ATRNL1: variants seen among roughly 807,000 people sequenced by gnomAD.
The protein encoded by ATRNL1 is attractin-like protein 1.
A neutral mutation model predicts 182.7 loss-of-function variants in ATRNL1; 95 were observed. The observed-to-expected ratio is 0.52, with a 90% CI of 0.44 to 0.62. The LOEUF is 0.62. Among genes scored for constraint, ATRNL1 ranks in the 20% least tolerant of loss-of-function variants. The pLI is 0.00. For missense variants in ATRNL1, 1,471 were observed against 1,679.5 expected (o/e 0.88, Z 2.17); for synonymous variants, 576 against 568.3 (o/e 1.01, Z -0.19).
At chr10:115,426,695 G>T (rs1383697255) in intron 21 of ATRNL1, among the ~76,000 whole-genome samples, 2 of 152,078 alleles carry the variant, frequency 1.3e-5, no homozygotes, top group African/African-American at 4.8e-5. Flanking sequence ...CTTTCATTGG[G>T]TACTGATTAT....
intron 19 of ATRNL1, among the ~76,000 whole-genome samples, chr10:115,392,159 A>C (rs1844060824): frequency 6.6e-6 from 1 of 152,112 alleles, no homozygotes; most frequent in African/African-American, 2.4e-5. Context: ...TACAAGCAGA[A>C]AATGTACATG....
intron 26 of ATRNL1, among the ~76,000 whole-genome samples, chr10:115,697,040 G>A (rs1005341044): frequency 1.3e-5 from 2 of 152,040 alleles, no homozygotes; most frequent in Non-Finnish European, 2.9e-5. Context: ...TTGACATGTG[G>A]GGATTACAAT....
At position 115,473,623 on chromosome 10, in the gene ATRNL1, T is replaced by C. The variant is rs1848405417; in HGVS notation, c.3654+4294T>C. 2.0e-5 allele frequency among the ~76,000 whole-genome samples: 3 copies of C among 151,340 alleles called. No individual in the cohort carries two copies. In the South Asian group the frequency reaches 6.2e-4, roughly 31 times the overall value. On this transcript the variant is annotated intron_variant, in intron 24 of 28. Transcript: ENST00000355044. ...TCGGAAGTGTTCACTCTACTTCATCTTTTTGGAAGAGTTTGAGATGGCTTG... is the reference window on the plus strand; with the variant it reads ...TCGGAAGTGTTCACTCTACTTCATCCTTTTGGAAGAGTTTGAGATGGCTTG...
chr10:115,871,761 A>C (rs960967729), intron 28 of ATRNL1, among the ~76,000 whole-genome samples: 4 of 152,154 alleles, frequency 2.6e-5, no homozygotes, highest in African/African-American at 2.4e-5. Context: ...CAACTAAATA[A>C]TAATAAACAC....
chr10:115,208,959 A>G (rs1848909814), intron 8 of ATRNL1, among the ~76,000 whole-genome samples: 2 of 151,888 alleles, frequency 1.3e-5, no homozygotes, highest in South Asian at 4.2e-4. Context: ...TTTACCTTAC[A>G]AGTAATCAGG....
intron 5 of ATRNL1, among the ~76,000 whole-genome samples, chr10:115,159,025 A>G (rs1442951061): frequency 6.6e-6 from 1 of 151,836 alleles, no homozygotes; most frequent in Non-Finnish European, 1.5e-5. Flanking sequence ...TATGTTGTCA[A>G]AATAATGTAG....
chr10:115,844,940 A>C (rs1950894530), intron 27 of ATRNL1, among the ~76,000 whole-genome samples: 1 of 152,258 alleles, frequency 6.6e-6, no homozygotes, highest in East Asian at 1.9e-4. Flanking sequence ...CCAGGGTATC[A>C]GAAACATTAT....
Position 115,496,416 on chromosome 10 carries a change from A to AT in ATRNL1, c.3655-22843dup, listed in dbSNP as rs573353015. Reference sequence around the variant, plus strand: ...TATTTGCTTGTGTGAAAAGTATCTTATTTTCCCTTCACTTATGAAGCTTAT... The same window carrying AT: ...TATTTGCTTGTGTGAAAAGTATCTTATTTTTCCCTTCACTTATGAAGCTTAT... On this transcript the variant is annotated intron_variant, in intron 24 of 28. Coordinates refer to ENST00000355044, the MANE Select transcript of ATRNL1 (RefSeq NM_207303.4). 4.1e-3 allele frequency among the ~76,000 whole-genome samples: 625 copies of AT among 152,188 alleles called. 2 individuals are homozygous for AT. The highest frequency in any genetic ancestry group is 0.013 in the African/African-American group (543 of 41,540).
At chr10:115,368,826 G>T (rs1487439466) in intron 19 of ATRNL1, among the ~76,000 whole-genome samples, 1 of 151,292 alleles carries the variant, frequency 6.6e-6, no homozygotes, top group Non-Finnish European at 1.5e-5. Flanking sequence ...TGATTCTCCT[G>T]CCTGAGCCTC....
intron 10 of ATRNL1, among the ~76,000 whole-genome samples, chr10:115,253,873 A>G (rs1297379693): frequency 6.6e-6 from 1 of 152,084 alleles, no homozygotes; most frequent in African/African-American, 2.4e-5. Flanking sequence ...CCTATGAGTG[A>G]GAACATATGG....
chr10:115,529,763 A>G (rs1206129957), intron 25 of ATRNL1, among the ~76,000 whole-genome samples: 2 of 152,134 alleles, frequency 1.3e-5, no homozygotes, highest in Admixed American at 1.3e-4. Context: ...ATTTGGTGAT[A>G]TAATTCACAT....
chr10:115,760,569 G>T (rs189432003), intron 27 of ATRNL1, among the ~76,000 whole-genome samples: 10 of 151,996 alleles, frequency 6.6e-5, no homozygotes, highest in Non-Finnish European at 1.5e-5. Context: ...AAATATAAAT[G>T]TTGGGTTATT....
At chr10:115,666,059 A>C (rs2133916433) in intron 26 of ATRNL1, among the ~76,000 whole-genome samples, 1 of 152,290 alleles carries the variant, frequency 6.6e-6, no homozygotes, top group South Asian at 2.1e-4. Flanking sequence ...TAAAGGTTAG[A>C]TGTTCTAAGA....
At chr10:115,739,286 A>G (rs1948071619) in intron 27 of ATRNL1, among the ~76,000 whole-genome samples, 1 of 152,164 alleles carries the variant, frequency 6.6e-6, no homozygotes, top group South Asian at 2.1e-4. Flanking sequence ...ATCTAGCATA[A>G]ACTATTTTTA....
chr10:115,917,586 G>GGTTTTTT (rs1952909654), intron 28 of ATRNL1, among the ~76,000 whole-genome samples: 1 of 151,798 alleles, frequency 6.6e-6, no homozygotes, highest in Admixed American at 6.6e-5. Flanking sequence ...AGTGGTTTTT[G>GGTTTTTT]GTTTTTTGTT....
chr10:115,771,166 C>G (rs184679744), intron 27 of ATRNL1, among the ~76,000 whole-genome samples: 162 of 151,856 alleles, frequency 1.1e-3, no homozygotes, highest in Non-Finnish European at 2.1e-3. Context: ...ATCAGAGCAA[C>G]CAGGGTTAAA....
chr10:115,745,279 A>G (rs782029299), intron 27 of ATRNL1, among the ~76,000 whole-genome samples: 15 of 151,996 alleles, frequency 9.9e-5, no homozygotes, highest in Non-Finnish European at 1.8e-4. Flanking sequence ...AATACTTTCA[A>G]TGAGCTCCAA....
intron 5 of ATRNL1, among the ~76,000 whole-genome samples, chr10:115,149,247 T>C (rs895533996): frequency 8.5e-5 from 13 of 152,150 alleles, no homozygotes; most frequent in Non-Finnish European, 1.9e-4. Flanking sequence ...CCATGTTGAA[T>C]ATACCTGGCT....
chr10:115,816,615 G>GACACACAC (rs35920402), intron 27 of ATRNL1, among the ~76,000 whole-genome samples: 3 of 150,140 alleles, frequency 2.0e-5, no homozygotes, highest in African/African-American at 7.3e-5. Flanking sequence ...GACACACACA[G>GACACACAC]ACACACACAC....
Sources: allele counts gnomAD v4.1 joint callset (sites outside exome capture counted in the v4.1 genomes callset), GRCh38; gene constraint gnomAD v4.1.1; transcripts MANE v1.5; gene names NCBI Gene and HGNC (gene_info 2026-07-23, HGNC 2026-07-21).